Variants in ABTB1 observed in about 807,000 individuals in gnomAD.
ABTB1 encodes the protein ankyrin repeat and BTB domain containing 1.
ABTB1 carries 45 observed loss-of-function variants against 57.1 expected under a neutral mutation model. The ratio of observed to expected loss-of-function variants is 0.79; its 90% confidence interval spans 0.62 to 1.01. The LOEUF is 1.01. Ranked by LOEUF, ABTB1 falls within the 50% of genes least tolerant of loss-of-function variation. The probability of loss-of-function intolerance (pLI) is 0.00; values close to 1 mark genes in which losing one functional copy is unlikely to be tolerated. For synonymous variants in ABTB1, 302 were observed against 275.4 expected, an observed-to-expected ratio of 1.10 and a Z score of -0.95; for missense variants, 630 against 666.3, an observed-to-expected ratio of 0.95 and a Z score of 0.60.
chr3:127,679,926 T>G, intron 10 of ABTB1, 59 bp from the exon 11 acceptor site: 2 of 1,570,282 alleles, frequency 1.3e-6, no homozygotes, highest in Non-Finnish European at 1.7e-6. Context: ...CCTTGGCTGT[T>G]GTGCCCTGGG....
intron 10 of ABTB1, chr3:127,679,588 A>G (rs2075074314): frequency 6.4e-6 from 3 of 466,738 alleles, no homozygotes; most frequent in Admixed American, 2.3e-5. Flanking sequence ...GCAGGTAGGC[A>G]TGGTTATCTA....
rs1419219859 is a variant in ABTB1 at position 127,676,215 on chromosome 3, C to A, written c.321-57C>A. 6.2e-7 allele frequency: 1 copy of A among 1,604,226 alleles called. No individual in the cohort carries two copies. Among genetic ancestry groups the A allele is most frequent in the Non-Finnish European group, 8.5e-7 (1 of 1,173,068 alleles). On this transcript the variant is annotated intron_variant, in intron 4 of 11. Transcript: ENST00000232744. The surrounding 1 kb of genome is among the most constrained non-coding windows in gnomAD (Gnocchi z 5.4). The stretch of plus-strand genomic sequence containing the variant: ...GGCCTGCACTGGGTTCTGAGTGCTC[C>A]GAGGAATGGGGTGGGGCTGTGCCAA...
chr3:127,679,963 T>C (rs999361341), intron 10 of ABTB1, 22 bp from the exon 11 acceptor site: 2 of 1,611,924 alleles, frequency 1.2e-6, no homozygotes, highest in South Asian at 1.1e-5. Context: ...GGGGGGCACC[T>C]TCATCCCTGT....
intron 10 of ABTB1, 47 bp downstream of exon 10, chr3:127,677,890 G>A (rs374173417): frequency 2.0e-5 from 32 of 1,590,444 alleles, no homozygotes; most frequent in African/African-American, 1.6e-4. Flanking sequence ...CTGTGCTGCC[G>A]TGGGCTGAGA....
At chr3:127,678,451 C>T (rs2075041903) in intron 10 of ABTB1, 1 of 153,128 alleles carries the variant, frequency 6.5e-6, no homozygotes. Flanking sequence ...TCAGGTCATC[C>T]CTCCATCTTG....
rs950434105 is a variant in ABTB1 at position 127,676,453 on chromosome 3, G to C, written c.480+22G>C. On this transcript the variant is annotated intron_variant, in intron 5 of 11. Coordinates refer to ENST00000232744, the MANE Select transcript of ABTB1 (RefSeq NM_172027.3). The surrounding 1 kb of genome is among the most constrained non-coding windows in gnomAD (Gnocchi z 5.4). ...ACTGGTATGTCCCTTCAGGGTGGCA[G>C]AGGGGCATGAACTGTCCAGGAACAG... 6.2e-7 allele frequency: 1 copy of C among 1,614,050 alleles called. No individual in the cohort carries two copies. The highest frequency in any genetic ancestry group is 8.5e-7 in the Non-Finnish European group (1 of 1,179,938).
At position 127,675,584 on chromosome 3, in the gene ABTB1, TTTC is replaced by T. The variant is rs564952047; in HGVS notation, c.176-383_176-381del. The T allele has an allele frequency of 1.8e-3, 393 of 220,564 alleles. 2 individuals are homozygous for T. The highest frequency in any genetic ancestry group is 7.9e-3 in the Middle Eastern group (4 of 508). The allele number at this position is 220,564 out of a possible 1,614,324, so 13.7% of individuals were successfully genotyped here. ...GTGAGCTGCCACGCCCAGGCTTGTT[TTTC>T]TTAATAGTCCCTGCCATCGTTAGGT... On this transcript the variant is annotated intron_variant, in intron 3 of 11. Transcript: ENST00000232744.
In ABTB1 at chr3:127,680,002, C is replaced by G. The variant is rs777831745; in HGVS notation, c.1047C>G (p.Ala349=). The change falls in exon 11 of 12, where the codon GCC becomes GCG. Residue 349 remains alanine (A), a synonymous_variant. Transcript: ENST00000232744. ...CACTGCAGCTGTCCCCCGAGGCAGC[C>G]TATGATGTGCTGAGCGTCGCCGACA... ...SDHTELSPEA[A]YDVLSVADMY... is the part of the protein sequence containing the mutation. 6.2e-7 allele frequency: 1 copy of G among 1,613,484 alleles called. No individual in the cohort carries two copies. Among genetic ancestry groups the G allele is most frequent in the Non-Finnish European group, 8.5e-7 (1 of 1,180,022 alleles).
rs1332593488 is a variant in ABTB1 at position 127,680,253 on chromosome 3, C to T, written c.1231-16C>T. The T allele has an allele frequency of 1.2e-6, 2 of 1,613,366 alleles. No homozygotes were observed. Among genetic ancestry groups the T allele is most frequent in the Admixed American group, 3.3e-5 (2 of 59,982 alleles). ...GGCAGGCACCCCTCCACTGAGCTGG[C>T]CCTTCCCGCTCATAGCTGGTGGAGC... On this transcript the variant is annotated splice_polypyrimidine_tract_variant and intron_variant, in intron 11 of 11. Transcript: ENST00000232744.
intron 3 of ABTB1, 55 bp from the exon 4 acceptor site, chr3:127,675,914 AT>A: frequency 6.3e-7 from 1 of 1,579,046 alleles, no homozygotes; most frequent in South Asian, 1.1e-5. Context: ...GGACAGGGAG[AT>A]TAGAATTTCC....
rs76451264 is a variant in ABTB1 at position 127,680,838 on chromosome 3, T to C, written c.*363T>C. ...CTTGCCTAGCCCTGAATTGCTTCTC[T>C]AAGCTGGTGTTCCCATGCACAGGGC... is the stretch of plus-strand genomic sequence containing the variant. On this transcript the variant is annotated 3_prime_UTR_variant, in exon 12 of 12. Transcript: ENST00000232744. The C allele has an allele frequency of 6.6e-4, 411 of 627,474 alleles. 1 individual carries two copies. The African/African-American group carries it at 6.8e-3, about 10-fold the overall frequency. 38.9% of individuals were successfully genotyped at this position (627,474 alleles called of 1,614,324 possible). A position where few individuals can be genotyped will look rare whatever the true frequency, so the allele number is the denominator to read the frequency against.
Position 127,677,612 on chromosome 3 carries a change from C to T in ABTB1, c.861+49C>T, listed in dbSNP as rs778396073. The T allele has an allele frequency of 4.3e-6, 7 of 1,613,412 alleles. No individual in the cohort carries two copies. The Admixed American group carries it at 1.0e-4, about 23-fold the overall frequency. On this transcript the variant is annotated intron_variant, in intron 9 of 11. Coordinates refer to ENST00000232744, the MANE Select transcript of ABTB1 (RefSeq NM_172027.3). ...CTGGCCCCAGCCCGTTGCCCTGAGC[C>T]CCCGTCTAGCTCCTCAGGAGACAGA...
At position 127,673,041 on chromosome 3, in the gene ABTB1, C is replaced by A; in HGVS notation, c.16C>A (p.Leu6Met). MDTSDLFASCRKGDVG... is the reference protein window; with the variant it reads MDTSDMFASCRKGDVG... The stretch of plus-strand genomic sequence containing the variant: ...CCTCCGCGCCATGGACACCAGCGAC[C>A]TGTTCGCCAGCTGCAGGAAGGGGGA... The change falls in exon 1 of 12, where the codon CTG becomes ATG. Residue 6 changes from leucine to methionine, a missense_variant. By Grantham distance (15) the Leu-to-Met change is conservative. Coordinates refer to ENST00000232744, the MANE Select transcript of ABTB1 (RefSeq NM_172027.3). 6.4e-7 allele frequency: 1 copy of A among 1,574,536 alleles called. No homozygotes were observed. Among genetic ancestry groups the A allele is most frequent in the Non-Finnish European group, 8.6e-7 (1 of 1,160,462 alleles).
intron 1 of ABTB1, 167 bp from the exon 2 acceptor site, chr3:127,674,224 C>T (rs942373036): frequency 7.6e-6 from 6 of 791,832 alleles, no homozygotes; most frequent in East Asian, 2.7e-5. Context: ...CTTGCCTGCA[C>T]TTTGCCTTGA....
Position 127,680,701 on chromosome 3 carries a change from TG to T in ABTB1, c.*231del. ...ATGCACAAGCCAGCCCCCAAGACCC[TG>T]GGGGTGGACACCACTCAGGGAAACC... On this transcript the variant is annotated 3_prime_UTR_variant, in exon 12 of 12. Transcript: ENST00000232744. The T allele has an allele frequency of 1.4e-6, 1 of 702,186 alleles. No homozygotes were observed. Among genetic ancestry groups the T allele is most frequent in the Non-Finnish European group, 2.5e-6 (1 of 397,678 alleles). The allele number at this position is 702,186 out of a possible 1,614,324, so 43.5% of individuals were successfully genotyped here.
chr3:127,680,141 C>T lies in ABTB1; in HGVS notation c.1186C>T (p.Leu396Phe), dbSNP rs1433719264. ...GGCCAAGCTCTTCCGCCTGGCGCGG[C>T]TTGAGGACCAGTGCACTGAGTACAT... The part of the protein sequence containing the change: ...RVAKLFRLAR[L>F]EDQCTEYMAK... The change falls in exon 11 of 12, where the codon CTT becomes TTT. Residue 396 changes from leucine to phenylalanine, a missense_variant. Coordinates refer to ENST00000232744, the MANE Select transcript of ABTB1 (RefSeq NM_172027.3). The T allele has an allele frequency of 8.1e-6, 13 of 1,613,846 alleles. No individual in the cohort carries two copies. Among genetic ancestry groups the T allele is most frequent in the Admixed American group, 1.7e-5 (1 of 60,016 alleles).
In ABTB1 at chr3:127,677,789, C is replaced by G. The variant is rs756585806; in HGVS notation, c.975C>G (p.Ile325Met). ...GGPPAVTLHG[I>M]SPDVFTHVLY... is the part of the protein sequence containing the mutation. ...CCCCAGCCGTCACCCTGCATGGCAT[C>G]TCACCCGACGTCTTCACTCACGTGC... Residue 325 changes from isoleucine to methionine, a missense_variant, in exon 10 of 12, where the codon ATC becomes ATG. This residue lies in a region of ABTB1 where 579 missense variants were observed against 585.9 expected (regional missense o/e 0.99). Transcript: ENST00000232744. 1 of 1,612,682 alleles carries G rather than the reference C, an allele frequency of 6.2e-7. No individual in the cohort carries two copies. The highest frequency in any genetic ancestry group is 8.5e-7 in the Non-Finnish European group (1 of 1,179,662).
intron 10 of ABTB1, chr3:127,679,206 A>G (rs2075064645): frequency 8.1e-6 from 2 of 246,060 alleles, no homozygotes; most frequent in Admixed American, 5.1e-5. Context: ...GAGCTTTGTG[A>G]TCTTGGGCCA....
chr3:127,680,797 A>G lies in ABTB1; in HGVS notation c.*322A>G, dbSNP rs777642004. ...TCCCCCCTACCCACCCCAGTCCCAAATCCAGTCCTCTGGCCCTTGCCTAGC... is the reference window on the plus strand; with the variant it reads ...TCCCCCCTACCCACCCCAGTCCCAAGTCCAGTCCTCTGGCCCTTGCCTAGC... On this transcript the variant is annotated 3_prime_UTR_variant, in exon 12 of 12. Coordinates refer to ENST00000232744, the MANE Select transcript of ABTB1 (RefSeq NM_172027.3). 4.6e-6 allele frequency: 3 copies of G among 658,646 alleles called. No homozygotes were observed. In the South Asian group the frequency reaches 5.4e-5, roughly 12 times the overall value. 40.8% of individuals were successfully genotyped at this position (658,646 alleles called of 1,614,324 possible). A position where few individuals can be genotyped will look rare whatever the true frequency, so the allele number is the denominator to read the frequency against.
Sources: allele counts gnomAD v4.1 joint callset, GRCh38; gene constraint gnomAD v4.1.1; regional missense constraint gnomAD v4.1.1; non-coding constraint Gnocchi (gnomAD v3.1); transcripts MANE v1.5; gene names NCBI Gene and HGNC (gene_info 2026-07-23, HGNC 2026-07-21).